The following ERBB4 variants were observed in gnomAD, a reference collection of about 807,000 sequenced individuals.
ERBB4 encodes the protein erb-b2 receptor tyrosine kinase 4, also known as receptor tyrosine-protein kinase erbB-4.
A neutral mutation model predicts 158.0 loss-of-function variants in ERBB4; 42 were observed. The ratio of observed to expected loss-of-function variants is 0.27; its 90% CI spans 0.21 to 0.34. The LOEUF (loss-of-function observed/expected upper bound fraction) is 0.34, where lower values mean the gene tolerates loss of function less well. Ranked by LOEUF, ERBB4 falls within the 10% of genes least tolerant of loss-of-function variation. The pLI is 1.00. For synonymous variants in ERBB4, 583 were observed against 558.7 expected (o/e 1.04, Z -0.61); for missense variants, 1,333 against 1,624.1 (o/e 0.82, Z 3.08).
At chr2:212,425,367 T>G (rs191004034) in intron 1 of ERBB4, among the ~76,000 whole-genome samples, 18 of 145,936 alleles carry the variant, frequency 1.2e-4, no homozygotes, top group African/African-American at 3.3e-4. Context: ...TATGTATATG[T>G]ATACATATAT....
At chr2:211,579,346 G>A (rs1057237617) in intron 19 of ERBB4, among the ~76,000 whole-genome samples, 1 of 152,112 alleles carries the variant, frequency 6.6e-6, no homozygotes, top group Non-Finnish European at 1.5e-5. Context: ...TTACACTGTT[G>A]GTGAGAATGT....
At chr2:212,375,813 G>T (rs2090299011) in intron 1 of ERBB4, among the ~76,000 whole-genome samples, 1 of 151,994 alleles carries the variant, frequency 6.6e-6, no homozygotes, top group Admixed American at 6.6e-5. Context: ...TGCTAAAGTT[G>T]AAGCAAGAAC....
At chr2:211,458,386 C>T (rs889237890) in intron 20 of ERBB4, among the ~76,000 whole-genome samples, 1 of 152,190 alleles carries the variant, frequency 6.6e-6, no homozygotes, top group South Asian at 2.1e-4. Flanking sequence ...CCTGCCTCAG[C>T]CTCCCAAGTA....
chr2:211,483,645 A>G (rs1233151181), intron 20 of ERBB4, among the ~76,000 whole-genome samples: 2 of 152,064 alleles, frequency 1.3e-5, no homozygotes, highest in Non-Finnish European at 2.9e-5. Context: ...TCCGCCTCCC[A>G]GATTCAAGTG....
intron 20 of ERBB4, among the ~76,000 whole-genome samples, chr2:211,479,730 C>T (rs1376209599): frequency 6.6e-6 from 1 of 152,108 alleles, no homozygotes; most frequent in Non-Finnish European, 1.5e-5. Context: ...GAATCTGGGA[C>T]TACTGCTGTG....
At chr2:211,430,859 T>TTA in intron 21 of ERBB4, 86 bp downstream of exon 21, 2 of 1,172,932 alleles carry the variant, frequency 1.7e-6, no homozygotes, top group Non-Finnish European at 1.3e-6. Flanking sequence ...AGCTTCAGGC[T>TTA]TATTGGTTTC....
intron 5 of ERBB4, among the ~76,000 whole-genome samples, chr2:211,733,039 T>C (rs555707702): frequency 1.3e-5 from 2 of 152,200 alleles, no homozygotes; most frequent in African/African-American, 4.8e-5. Flanking sequence ...CTAATCAGGT[T>C]TGACCTGATG....
At chr2:212,524,794 G>C (rs984423318) in intron 1 of ERBB4, among the ~76,000 whole-genome samples, 7 of 151,962 alleles carry the variant, frequency 4.6e-5, no homozygotes, top group Non-Finnish European at 1.0e-4. Flanking sequence ...CAAAGTTACT[G>C]TGACACTATT....
Position 211,380,052 on chromosome 2 carries a change from CTTAAA to C in ERBB4, c.*3558_*3562del. The C allele has an allele frequency of 4.3e-6, 1 of 231,978 alleles. No homozygotes were observed. 14.4% of individuals were successfully genotyped at this position (231,978 alleles called of 1,614,324 possible). A position where few individuals can be genotyped will look rare whatever the true frequency, so the allele number is the denominator to read the frequency against. On this transcript the variant is annotated 3_prime_UTR_variant, in exon 28 of 28. Coordinates refer to ENST00000342788, the MANE Select transcript of ERBB4 (RefSeq NM_005235.3). ...ATAACACTTAAACACTATTCCTTCT[CTTAAA>C]TTAGATATTCAGTCCTTCTCCCTAA...
At chr2:212,404,103 A>T (rs1022330214) in intron 1 of ERBB4, among the ~76,000 whole-genome samples, 3 of 151,998 alleles carry the variant, frequency 2.0e-5, no homozygotes, top group African/African-American at 7.2e-5. Flanking sequence ...TGAGATGCAA[A>T]GTTTATTCAC....
chr2:211,513,543 T>C (rs189594451), intron 20 of ERBB4, among the ~76,000 whole-genome samples: 2 of 152,218 alleles, frequency 1.3e-5, no homozygotes, highest in South Asian at 2.1e-4. Flanking sequence ...GATTCAATTC[T>C]ATTAAATTTA....
chr2:212,518,744 C>T (rs1429028690), intron 1 of ERBB4, among the ~76,000 whole-genome samples: 2 of 152,020 alleles, frequency 1.3e-5, no homozygotes, highest in Admixed American at 6.6e-5. Context: ...AATACAGGAA[C>T]GGGAGGGGAG....
At chr2:212,475,604 C>A (rs1689347718) in intron 1 of ERBB4, among the ~76,000 whole-genome samples, 1 of 152,054 alleles carries the variant, frequency 6.6e-6, no homozygotes, top group Non-Finnish European at 1.5e-5. Flanking sequence ...ATTACCTACT[C>A]ATGAATCTCT....
At chr2:211,816,955 A>C (rs180825790) in intron 3 of ERBB4, among the ~76,000 whole-genome samples, 7 of 152,290 alleles carry the variant, frequency 4.6e-5, no homozygotes, top group Admixed American at 3.9e-4. Context: ...GCCTTTAAAA[A>C]AATCCCAGGG....
At chr2:212,001,027 G>C (rs1404122758) in intron 2 of ERBB4, among the ~76,000 whole-genome samples, 1 of 151,814 alleles carries the variant, frequency 6.6e-6, no homozygotes, top group African/African-American at 2.4e-5. Flanking sequence ...AACTCTTGAG[G>C]CTGGCATATT....
rs2077040349 is a variant in ERBB4, at chr2:212,037,374, G to A, written c.234+87378C>T. On this transcript the variant is annotated intron_variant, in intron 2 of 27. Coordinates refer to ENST00000342788, the MANE Select transcript of ERBB4 (RefSeq NM_005235.3). ...CTGGAAGATCACAGATGTAACAGGA[G>A]GCTTAGCCTAAGGAAAGCACCAACT... Among the ~76,000 whole-genome samples the A allele has an allele frequency of 2.6e-5, 4 of 152,244 alleles. No individual in the cohort carries two copies. In the South Asian group the frequency reaches 8.3e-4, roughly 32 times the overall value.
intron 15 of ERBB4, among the ~76,000 whole-genome samples, chr2:211,662,528 A>G (rs544867909): frequency 6.6e-6 from 1 of 152,310 alleles, no homozygotes; most frequent in African/African-American, 2.4e-5. Flanking sequence ...GAATTTTCCT[A>G]TCACTGTATG....
chr2:211,752,806 C>A lies in ERBB4; in HGVS notation c.557-2102G>T, dbSNP rs189770761. Among the ~76,000 whole-genome samples, 14 of 119,096 alleles carry A rather than the reference C, an allele frequency of 1.2e-4. No individual in the cohort carries two copies. The South Asian group carries it at 3.9e-3, about 33-fold the overall frequency. 78.1% of individuals were successfully genotyped at this position (119,096 alleles called of 152,430 possible). A position where few individuals can be genotyped will look rare whatever the true frequency, so the allele number is the denominator to read the frequency against. On this transcript the variant is annotated intron_variant, in intron 4 of 27. Transcript: ENST00000342788. Reference sequence around the variant, plus strand: ...ACCTATTTGAAAATGTGATATAGTACCCACACACACAAAAAACAAGTTTAA... The same window carrying A: ...ACCTATTTGAAAATGTGATATAGTAACCACACACACAAAAAACAAGTTTAA...
At chr2:212,192,056 TTA>T (rs1244897304) in intron 1 of ERBB4, among the ~76,000 whole-genome samples, 117 of 79,700 alleles carry the variant, frequency 1.5e-3, no homozygotes, top group African/African-American at 3.4e-3. Flanking sequence ...ATGTTATATG[TTA>T]TATATGTTAT....
Sources: allele counts gnomAD v4.1 joint callset (sites outside exome capture counted in the v4.1 genomes callset), GRCh38; gene constraint gnomAD v4.1.1; transcripts MANE v1.5; gene names NCBI Gene and HGNC (gene_info 2026-07-23, HGNC 2026-07-21).